Variants in DNM1 observed in about 807,000 individuals in gnomAD.
The protein encoded by DNM1 is dynamin-1.
DNM1 carries 29 observed loss-of-function variants against 104.6 expected under a neutral mutation model. That is an observed-to-expected ratio of 0.28 (90% confidence interval 0.21 to 0.38). DNM1 has a LOEUF of 0.38. DNM1 is among the 10% of genes least tolerant of loss of function. The pLI, the probability that DNM1 is intolerant of heterozygous loss-of-function variation, is 1.00. For missense variants in DNM1, 640 were observed against 1,189.4 expected, an observed-to-expected ratio of 0.54 and a Z score of 6.79; for synonymous variants, 445 against 475.8, an observed-to-expected ratio of 0.94 and a Z score of 0.84.
At position 128,239,773 on chromosome 9, in the gene DNM1, G is replaced by C; in HGVS notation, c.1539G>C (p.Gly513=). 6.2e-7 allele frequency: 1 copy of C among 1,613,796 alleles called. No homozygotes were observed. The change falls in exon 13 of 22, where the codon GGG becomes GGC. Residue 513 remains glycine, a synonymous_variant. Transcript: ENST00000372923. ...SNQMNKKKTS[G]NQDEILVIRK... ...AGATGAACAAGAAGAAGACTTCAGGGAACCAGGTGAGTGGGGCCCAGCACC... is the reference window on the plus strand; with the variant it reads ...AGATGAACAAGAAGAAGACTTCAGGCAACCAGGTGAGTGGGGCCCAGCACC...
chr9:128,219,295 G>A lies in DNM1; in HGVS notation c.589+43G>A, dbSNP rs536784796. The stretch of plus-strand genomic sequence containing the variant: ...GGCCAATGCACAAAACCCCAGGCTT[G>A]CAGGCTGTCTATTCTTAGTGTAAAG... On this transcript the variant is annotated intron_variant, in intron 4 of 21. Transcript: ENST00000372923. The A allele has an allele frequency of 5.4e-5, 83 of 1,546,396 alleles. 2 individuals carry two copies. In the South Asian group the frequency reaches 8.7e-4, roughly 16 times the overall value.
At position 128,253,236 on chromosome 9, in the gene DNM1, C is replaced by A. The variant is rs1197397727; in HGVS notation, c.2535-1418C>A. On this transcript the variant is annotated intron_variant, in intron 21 of 21. Coordinates refer to ENST00000372923, the MANE Select transcript of DNM1 (RefSeq NM_004408.4). This position sits in a 1 kb window ranked among gnomAD's most constrained non-coding sequence, Gnocchi z 5.9. ...CACCTGGGACCTCAGAGCCAGGCTC[C>A]CCGCCCCTCCCTTCTGCAGCTGCAG... The A allele has an allele frequency of 2.7e-6, 3 of 1,119,482 alleles. No individual in the cohort carries two copies. Among genetic ancestry groups the A allele is most frequent in the Non-Finnish European group, 3.9e-6 (3 of 761,326 alleles). The allele number at this position is 1,119,482 out of a possible 1,614,324, so 69.3% of individuals were successfully genotyped here.
rs1829335760 is a variant in DNM1, at chr9:128,248,953, GAGGCCA to G, written c.2076+205_2076+210del. ...CACACCTGTAATCCCAGCACTTTGG[GAGGCCA>G]AGGCAGGTGGATCACGTGAGGTCAG... On this transcript the variant is annotated intron_variant, in intron 19 of 21. Coordinates refer to ENST00000372923, the MANE Select transcript of DNM1 (RefSeq NM_004408.4). The surrounding 1 kb of genome is among the most constrained non-coding windows in gnomAD (Gnocchi z 5.6). Among the ~76,000 whole-genome samples, 1 of 152,120 alleles carries G rather than the reference GAGGCCA, an allele frequency of 6.6e-6. No homozygotes were observed. The highest frequency in any genetic ancestry group is 1.5e-5 in the Non-Finnish European group (1 of 68,030).
chr9:128,247,355 C>T lies in DNM1; in HGVS notation c.1782-20C>T. 1.1e-5 allele frequency: 18 copies of T among 1,578,646 alleles called. No individual in the cohort carries two copies. The highest frequency in any genetic ancestry group is 2.3e-5 in the East Asian group (1 of 44,140). ...GTCAGACTTTGCCCATCTGCCCTCA[C>T]TGCCTGCCCTATCTTGCAGGAATGT... is the stretch of plus-strand genomic sequence containing the variant. On this transcript the variant is annotated intron_variant, in intron 16 of 21. Transcript: ENST00000372923. The surrounding 1 kb of genome is among the most constrained non-coding windows in gnomAD (Gnocchi z 5.1).
In DNM1 at chr9:128,226,732, CG is replaced by C. The variant is rs541839291; in HGVS notation, c.1335+2345del. 2.0e-4 allele frequency among the ~76,000 whole-genome samples: 31 copies of C among 152,284 alleles called. No individual in the cohort carries two copies. In the East Asian group the frequency reaches 4.4e-3, roughly 22 times the overall value. ...GTAATCCGTGCGTGAGAGACAGGGG[CG>C]GTCTCTTTTGAGTTGTCTGTGACTT... On this transcript the variant is annotated intron_variant, in intron 10 of 21. Coordinates refer to ENST00000372923, the MANE Select transcript of DNM1 (RefSeq NM_004408.4).
At chr9:128,214,932 C>T (rs1006832648) in intron 1 of DNM1, among the ~76,000 whole-genome samples, 1 of 152,230 alleles carries the variant, frequency 6.6e-6, no homozygotes, top group African/African-American at 2.4e-5. Context: ...AGAAGGAGGG[C>T]CACCTAGGGG....
intron 10 of DNM1, among the ~76,000 whole-genome samples, chr9:128,227,777 A>AT (rs778972376): frequency 1.2e-4 from 17 of 147,272 alleles, no homozygotes; most frequent in East Asian, 4.0e-4. Context: ...TTAAGTTTCA[A>AT]TTTTTTTTTT....
chr9:128,246,537 C>A, intron 16 of DNM1, 34 bp downstream of exon 16: 1 of 1,530,266 alleles, frequency 6.5e-7, no homozygotes. Context: ...GCTGCTGCAG[C>A]CCCAAAACCA....
chr9:128,238,292 T>C (rs569380340), intron 11 of DNM1, among the ~76,000 whole-genome samples: 248 of 152,290 alleles, frequency 1.6e-3, no homozygotes, highest in Non-Finnish European at 3.0e-3. Flanking sequence ...TGGCACAATC[T>C]CGGCTCACTG....
Position 128,239,373 on chromosome 9 carries a change from C to A in DNM1, c.1423-72C>A, listed in dbSNP as rs937877673. The A allele has an allele frequency of 5.9e-5, 69 of 1,172,200 alleles. No homozygotes were observed. The African/African-American group carries it at 9.5e-4, about 16-fold the overall frequency. 72.6% of individuals were successfully genotyped at this position (1,172,200 alleles called of 1,614,324 possible). ...CTATATGTGCTGCAAGTACTTTTCT[C>A]CCAGCTTGCCCTGCATTTTAAAACT... On this transcript the variant is annotated intron_variant, in intron 11 of 21. Transcript: ENST00000372923.
In DNM1 at chr9:128,208,751, G is replaced by A. The variant is rs992824437; in HGVS notation, c.161+5120G>A. ...GAAATCCACAAAGAGCACGTTTGTC[G>A]TGTATTTTGAAGGAGGCTGCTCCTG... On this transcript the variant is annotated intron_variant, in intron 1 of 21. Transcript: ENST00000372923. Among the ~76,000 whole-genome samples, 5 of 152,106 alleles carry A rather than the reference G, an allele frequency of 3.3e-5. 1 individual carries two copies. The highest frequency in any genetic ancestry group is 1.3e-4 in the Admixed American group (2 of 15,270).
rs1836510331 is a variant in DNM1, at chr9:128,243,327, AG to A, written c.1671+984del. 6.6e-6 allele frequency among the ~76,000 whole-genome samples: 1 copy of A among 151,956 alleles called. No homozygotes were observed. The highest frequency in any genetic ancestry group is 2.4e-5 in the African/African-American group (1 of 41,366). Reference sequence around the variant, plus strand: ...TGTGGTAATGAACTCCAGCTGGCCAAGGAGTGGGGGAAGGGACCCTCTTCTT... The same window carrying A: ...TGTGGTAATGAACTCCAGCTGGCCAAGAGTGGGGGAAGGGACCCTCTTCTT... On this transcript the variant is annotated intron_variant, in intron 15 of 21. Transcript: ENST00000372923. The surrounding 1 kb of genome is among the most constrained non-coding windows in gnomAD (Gnocchi z 4.0).
rs758110039 is a variant in DNM1 at position 128,222,220 on chromosome 9, C to T, written c.873C>T (p.Asp291=). The T allele has an allele frequency of 1.2e-6, 2 of 1,613,968 alleles. No individual in the cohort carries two copies. ...LNQQLTNHIR[D]TLPGLRNKLQ... The stretch of plus-strand genomic sequence containing the variant: ...AGCAACTGACGAACCACATCCGGGA[C>T]ACACTGCCGGGGCTGCGGAACAAGC... Residue 291 remains aspartate (D), a synonymous_variant, in exon 7 of 22, where the codon GAC becomes GAT. Coordinates refer to ENST00000372923, the MANE Select transcript of DNM1 (RefSeq NM_004408.4). The surrounding 1 kb of genome is among the most constrained non-coding windows in gnomAD (Gnocchi z 7.8).
At position 128,220,993 on chromosome 9, in the gene DNM1, C is replaced by CCTTCCTTCCTTCCTTCCTT. The variant is rs1834975560; in HGVS notation, c.849+653_849+654insTTCCTTCCTTCCTTCCTTC. ...TTTCTTTCTCTTTCTTTCTTTCTTT[C>CCTTCCTTCCTTCCTTCCTT]CCTTCCTTCCTTCCTTCCTTCCTTT... On this transcript the variant is annotated intron_variant, in intron 6 of 21. Transcript: ENST00000372923. This position sits in a 1 kb window ranked among gnomAD's most constrained non-coding sequence, Gnocchi z 5.2. 1 of 125,986 alleles carries CCTTCCTTCCTTCCTTCCTT rather than the reference C, an allele frequency of 7.9e-6. No individual in the cohort carries two copies. The highest frequency in any genetic ancestry group is 3.3e-5 in the African/African-American group (1 of 30,198). The allele number at this position is 125,986 out of a possible 1,614,324, so 7.8% of individuals were successfully genotyped here.
In DNM1 at chr9:128,243,560, C is replaced by T. The variant is rs1399937045; in HGVS notation, c.1671+1215C>T. ...GCCATCTGGACCTCATTACCCCAAC[C>T]CTGGCCTCCCCCACCATGGGGGCCC... On this transcript the variant is annotated intron_variant, in intron 15 of 21. Coordinates refer to ENST00000372923, the MANE Select transcript of DNM1 (RefSeq NM_004408.4). The surrounding 1 kb of genome is among the most constrained non-coding windows in gnomAD (Gnocchi z 4.0). Among the ~76,000 whole-genome samples the T allele has an allele frequency of 6.6e-6, 1 of 152,238 alleles. No homozygotes were observed. Among genetic ancestry groups the T allele is most frequent in the African/African-American group, 2.4e-5 (1 of 41,472 alleles).
At chr9:128,242,096 C>T (rs1345554491) in intron 14 of DNM1, 136 bp from the exon 15 acceptor site, 1 of 671,740 alleles carries the variant, frequency 1.5e-6, no homozygotes, top group Non-Finnish European at 2.7e-6. Context: ...GCAGGTCTGG[C>T]CCCCACCCTC....
chr9:128,208,285 C>T (rs1257493239), intron 1 of DNM1, among the ~76,000 whole-genome samples: 1 of 152,170 alleles, frequency 6.6e-6, no homozygotes, highest in African/African-American at 2.4e-5. Flanking sequence ...GTCTCAACTC[C>T]TGACCTCCAG....
In DNM1 at chr9:128,236,194, C is replaced by T. The variant is rs10987941; in HGVS notation, c.1422+2087C>T. 5.6e-3 allele frequency among the ~76,000 whole-genome samples: 852 copies of T among 152,294 alleles called. 29 individuals are homozygous for T. Among genetic ancestry groups the T allele is most frequent in the Admixed American group, 0.051 (775 of 15,290 alleles). On this transcript the variant is annotated intron_variant, in intron 11 of 21. Transcript: ENST00000372923. ...TTCAATCACAAACATAGCCACTGAA[C>T]GCTACCTCTGAGCTGCACGGAGCAG...
In DNM1 at chr9:128,254,386, G is replaced by A; in HGVS notation, c.2535-268G>A. The A allele has an allele frequency of 1.4e-6, 2 of 1,410,874 alleles. No individual in the cohort carries two copies. Among genetic ancestry groups the A allele is most frequent in the African/African-American group, 1.5e-5 (1 of 68,568 alleles). The allele number at this position is 1,410,874 out of a possible 1,614,324, so 87.4% of individuals were successfully genotyped here. A position where few individuals can be genotyped will look rare whatever the true frequency, so the allele number is the denominator to read the frequency against. ...CGGGTGCCCTGCCTGGGTGCCGTGT[G>A]AGAGGCCAGCGTGTGTGGGGTGGGG... On this transcript the variant is annotated intron_variant, in intron 21 of 21. Coordinates refer to ENST00000372923, the MANE Select transcript of DNM1 (RefSeq NM_004408.4). The surrounding 1 kb of genome is among the most constrained non-coding windows in gnomAD (Gnocchi z 6.1).
Sources: gnomAD v4.1 joint callset for allele counts (sites outside exome capture counted in the v4.1 genomes callset) on GRCh38, gnomAD v4.1.1 for gene constraint, Gnocchi (gnomAD v3.1) non-coding constraint, MANE v1.5 for transcripts, NCBI Gene and HGNC (gene_info 2026-07-23, HGNC 2026-07-21) for gene names.